The following FLYWCH2 variants were observed in gnomAD, a reference collection of about 807,000 sequenced individuals.
FLYWCH2 encodes FLYWCH family member 2.
In FLYWCH2, 2 loss-of-function variants were observed where a neutral mutation model predicts 6.0. The ratio of observed to expected loss-of-function variants is 0.33; its 90% CI spans 0.14 to 1.04. The LOEUF (loss-of-function observed/expected upper bound fraction) is 1.04. Ranked by LOEUF, FLYWCH2 falls within the 50% of genes least tolerant of loss-of-function variation. The pLI is 0.45. For missense variants in FLYWCH2, 192 were observed against 183.4 expected, an observed-to-expected ratio of 1.05 and a Z score of -0.27; for synonymous variants, 87 against 79.3, an observed-to-expected ratio of 1.10 and a Z score of -0.52.
intron 3 of FLYWCH2, among the ~76,000 whole-genome samples, chr16:2,898,377 G>A (rs1297314178): frequency 6.6e-6 from 1 of 152,192 alleles, no homozygotes; most frequent in Non-Finnish European, 1.5e-5. Context: ...GCCTCTGCCT[G>A]TCCCCCTGGC....
At chr16:2,889,631 A>G (rs1434166274) in intron 1 of FLYWCH2, among the ~76,000 whole-genome samples, 2 of 151,928 alleles carry the variant, frequency 1.3e-5, no homozygotes, top group African/African-American at 4.8e-5. Flanking sequence ...GTTTTGGGTC[A>G]TATTAATGCA....
At chr16:2,883,441 G>C (rs1005967115) in intron 1 of FLYWCH2, 75 bp downstream of exon 1, 1 of 152,426 alleles carries the variant, frequency 6.6e-6, no homozygotes, top group Non-Finnish European at 1.5e-5. Context: ...GGCTCTCTCG[G>C]GGGTCCCGAG....
chr16:2,899,198 C>T lies in FLYWCH2; in HGVS notation c.*49C>T. Reference sequence around the variant, plus strand: ...CAGGCCACCAACCCAGCCATAGGCTCTTCTCTGTCCGCAGGGCTTCTGGGG... The same window carrying T: ...CAGGCCACCAACCCAGCCATAGGCTTTTCTCTGTCCGCAGGGCTTCTGGGG... On this transcript the variant is annotated 3_prime_UTR_variant, in exon 4 of 4. Transcript: ENST00000396958. The T allele has an allele frequency of 1.4e-6, 2 of 1,412,340 alleles. No homozygotes were observed. Among genetic ancestry groups the T allele is most frequent in the Non-Finnish European group, 2.0e-6 (2 of 1,021,864 alleles). The allele number at this position is 1,412,340 out of a possible 1,614,324, so 87.5% of individuals were successfully genotyped here. A position where few individuals can be genotyped will look rare whatever the true frequency, so the allele number is the denominator to read the frequency against.
chr16:2,890,119 T>C (rs1489347657), intron 1 of FLYWCH2, among the ~76,000 whole-genome samples: 1 of 151,968 alleles, frequency 6.6e-6, no homozygotes, highest in African/African-American at 2.4e-5. Flanking sequence ...ATAGACTTTA[T>C]TTGGATTTCA....
chr16:2,891,553 C>T (rs1032818436), intron 1 of FLYWCH2, among the ~76,000 whole-genome samples: 40 of 151,976 alleles, frequency 2.6e-4, no homozygotes, highest in Non-Finnish European at 2.6e-4. Flanking sequence ...TACAGGCGCC[C>T]GCCACCACGC....
At chr16:2,896,998 C>G (rs1230468584) in intron 3 of FLYWCH2, 3 of 587,318 alleles carry the variant, frequency 5.1e-6, no homozygotes, top group Non-Finnish European at 6.0e-6. Flanking sequence ...GTTCCCCACT[C>G]TGGAATGCGC....
intron 1 of FLYWCH2, among the ~76,000 whole-genome samples, chr16:2,886,764 A>G (rs1223703739): frequency 1.4e-5 from 2 of 147,304 alleles, no homozygotes; most frequent in African/African-American, 2.5e-5. Context: ...CAGATGATCC[A>G]CCTGCCTCGG....
chr16:2,885,752 C>T (rs1339894366), intron 1 of FLYWCH2, among the ~76,000 whole-genome samples: 3 of 152,100 alleles, frequency 2.0e-5, no homozygotes, highest in African/African-American at 4.8e-5. Context: ...GAATATCCAT[C>T]GAAACGTTTT....
chr16:2,888,063 T>C (rs2069718284), intron 1 of FLYWCH2, among the ~76,000 whole-genome samples: 1 of 151,860 alleles, frequency 6.6e-6, no homozygotes, highest in African/African-American at 2.4e-5. Flanking sequence ...GGCTGGAGTG[T>C]AGTGGCGTGA....
intron 1 of FLYWCH2, among the ~76,000 whole-genome samples, chr16:2,887,241 G>A (rs2069708202): frequency 6.6e-6 from 1 of 151,434 alleles, no homozygotes; most frequent in Non-Finnish European, 1.5e-5. Context: ...CGCCCCACTG[G>A]CTTAAGCAAT....
Position 2,896,507 on chromosome 16 carries a change from C to G in FLYWCH2, c.58C>G (p.Pro20Ala). The change falls in exon 3 of 4, where the codon CCA becomes GCA. Residue 20 changes from proline (P) to alanine (A), a missense_variant. Transcript: ENST00000396958. The stretch of plus-strand genomic sequence containing the variant: ...TGAGAGTGTGAAGGCCAGCCAGGAG[C>G]CATCCCCCAAGCCAGGCACAGAAGT... Reference protein sequence around the residue: ...EGESVKASQEPSPKPGTEVIP... With the variant: ...EGESVKASQEASPKPGTEVIP... 1.9e-6 allele frequency: 3 copies of G among 1,614,078 alleles called. No homozygotes were observed. The highest frequency in any genetic ancestry group is 2.5e-6 in the Non-Finnish European group (3 of 1,179,968).
rs2069858640 is a variant in FLYWCH2, at chr16:2,899,277, T to C, written c.*128T>C. 1.7e-6 allele frequency: 1 copy of C among 579,776 alleles called. No individual in the cohort carries two copies. The highest frequency in any genetic ancestry group is 2.6e-5 in the South Asian group (1 of 37,906). 35.9% of individuals were successfully genotyped at this position (579,776 alleles called of 1,614,324 possible). A position where few individuals can be genotyped will look rare whatever the true frequency, so the allele number is the denominator to read the frequency against. Reference sequence around the variant, plus strand: ...TTGTGTGATTTCTTTTCTTTTTTTTTTTTTTTTTAGATCAAGTATAAGTTA... The same window carrying C: ...TTGTGTGATTTCTTTTCTTTTTTTTCTTTTTTTTAGATCAAGTATAAGTTA... On this transcript the variant is annotated 3_prime_UTR_variant, in exon 4 of 4. Coordinates refer to ENST00000396958, the MANE Select transcript of FLYWCH2 (RefSeq NM_138439.3).
At position 2,887,944 on chromosome 16, in the gene FLYWCH2, A is replaced by G. The variant is rs141777176; in HGVS notation, c.-200+4578A>G. ...TGCTGAAAATCAGTTCACCATATATATAAGAGTGTATTTCTGGACTCTCAG... is the reference window on the plus strand; with the variant it reads ...TGCTGAAAATCAGTTCACCATATATGTAAGAGTGTATTTCTGGACTCTCAG... On this transcript the variant is annotated intron_variant, in intron 1 of 3. Coordinates refer to ENST00000396958, the MANE Select transcript of FLYWCH2 (RefSeq NM_138439.3). Among the ~76,000 whole-genome samples the G allele has an allele frequency of 3.3e-5, 5 of 152,014 alleles. No individual in the cohort carries two copies. In the East Asian group the frequency reaches 7.7e-4, roughly 23 times the overall value.
rs1003458352 is a variant in FLYWCH2, at chr16:2,888,161, G to A, written c.-200+4795G>A. 2.6e-5 allele frequency among the ~76,000 whole-genome samples: 4 copies of A among 151,808 alleles called. No individual in the cohort carries two copies. In the East Asian group the frequency reaches 5.8e-4, roughly 22 times the overall value. On this transcript the variant is annotated intron_variant, in intron 1 of 3. Transcript: ENST00000396958. Reference sequence around the variant, plus strand: ...GTAGCTGTGACTATAGTTGCATGCCGCCACACTCGGCTAATTTTTTGTATT... The same window carrying A: ...GTAGCTGTGACTATAGTTGCATGCCACCACACTCGGCTAATTTTTTGTATT...
At chr16:2,893,017 T>TACAC (rs1262506372) in intron 1 of FLYWCH2, among the ~76,000 whole-genome samples, 11 of 106,830 alleles carry the variant, frequency 1.0e-4, no homozygotes, top group African/African-American at 2.7e-4. Flanking sequence ...TATTTATATA[T>TACAC]ATACACACAC....
At chr16:2,897,122 G>T (rs78070081) in intron 3 of FLYWCH2, among the ~76,000 whole-genome samples, 1 of 152,166 alleles carries the variant, frequency 6.6e-6, no homozygotes, top group Non-Finnish European at 1.5e-5. Flanking sequence ...CTCTAAGACC[G>T]GGGGCTTGAT....
intron 3 of FLYWCH2, 151 bp from the exon 4 acceptor site, chr16:2,898,898 G>C: frequency 1.8e-6 from 1 of 541,382 alleles, no homozygotes; most frequent in Non-Finnish European, 3.2e-6. Flanking sequence ...CAGCGTCCCT[G>C]AGTGGCAGTC....
chr16:2,888,827 C>A (rs1221841129), intron 1 of FLYWCH2, among the ~76,000 whole-genome samples: 8 of 152,026 alleles, frequency 5.3e-5, no homozygotes, highest in Non-Finnish European at 1.0e-4. Flanking sequence ...GGAATTATTT[C>A]TCTGCAGCTT....
In FLYWCH2 at chr16:2,896,662, C is replaced by A. The variant is rs372984493; in HGVS notation, c.213C>A (p.Pro71=). The change falls in exon 3 of 4, where the codon CCC becomes CCA. Residue 71 remains proline (P), a synonymous_variant. Coordinates refer to ENST00000396958, the MANE Select transcript of FLYWCH2 (RefSeq NM_138439.3). The stretch of plus-strand genomic sequence containing the variant: ...ACTGTGTCATGTCCCTGGGGGTGCC[C>A]GGCCCCGCCACCCTTGCCAAGGCCC... ...GVHCVMSLGV[P]GPATLAKALL... The A allele has an allele frequency of 6.2e-7, 1 of 1,613,268 alleles. No individual in the cohort carries two copies. Among genetic ancestry groups the A allele is most frequent in the Non-Finnish European group, 8.5e-7 (1 of 1,179,856 alleles).
Sources: allele counts gnomAD v4.1 joint callset (sites outside exome capture counted in the v4.1 genomes callset), GRCh38; gene constraint gnomAD v4.1.1; transcripts MANE v1.5; gene names NCBI Gene and HGNC (gene_info 2026-07-23, HGNC 2026-07-21).